Variants in HIVEP3 observed in about 807,000 individuals in gnomAD.
HIVEP3 encodes transcription factor HIVEP3.
A neutral mutation model predicts 152.8 loss-of-function variants in HIVEP3; 49 were observed. That is an observed-to-expected ratio of 0.32 (90% CI 0.26 to 0.41). HIVEP3 has a LOEUF of 0.41. HIVEP3 is among the 10% of genes least tolerant of loss of function. HIVEP3 has a pLI of 1.00. For synonymous variants in HIVEP3, 1,269 were observed against 1,289.0 expected (o/e 0.98, Z 0.33); for missense variants, 2,790 against 3,103.3 (o/e 0.90, Z 2.40).
chr1:41,581,275 G>A lies in HIVEP3; in HGVS notation c.3523C>T (p.Pro1175Ser). 6.2e-7 allele frequency: 1 copy of A among 1,607,454 alleles called. No homozygotes were observed. Among genetic ancestry groups the A allele is most frequent in the Non-Finnish European group, 8.5e-7 (1 of 1,177,086 alleles). Residue 1175 changes from proline (P) to serine (S), a missense_variant, in exon 4 of 9, where the codon CCA becomes TCA. Physicochemically the swap from Pro to Ser is moderately conservative, Grantham distance 74 (BLOSUM62 -1). Coordinates refer to ENST00000372583, the MANE Select transcript of HIVEP3 (RefSeq NM_024503.5). This position sits in a 1 kb window ranked among gnomAD's most constrained non-coding sequence, Gnocchi z 4.5. The part of the protein sequence containing the change: ...TQAMSSLLSS[P>S]YSMPPLPPSL... ...GGAGGAAGTGGGGGCATGGAGTATG[G>A]TGAGGACAGGAGGCTGGACATGGCC...
chr1:42,017,987 C>T (rs904504380), intron 1 of HIVEP3, among the ~76,000 whole-genome samples: 2 of 152,038 alleles, frequency 1.3e-5, no homozygotes, highest in Non-Finnish European at 2.9e-5. Context: ...TGTAGACATA[C>T]CTTTTTGTAG....
chr1:41,535,773 G>A (rs638859), intron 5 of HIVEP3: 52,049 of 151,970 alleles, frequency 0.34, 9,378 homozygotes, highest in Non-Finnish European at 0.4. Flanking sequence ...ACAGAAGGAA[G>A]CAGAAACAGA....
intron 5 of HIVEP3, chr1:41,543,724 T>C (rs1438055468): frequency 6.6e-6 from 1 of 152,416 alleles, no homozygotes; most frequent in Non-Finnish European, 1.5e-5. Context: ...ACAACCCAGA[T>C]GCTGGAAACG....
At chr1:41,736,649 A>C (rs556911028) in intron 1 of HIVEP3, among the ~76,000 whole-genome samples, 1 of 152,338 alleles carries the variant, frequency 6.6e-6, no homozygotes, top group East Asian at 1.9e-4. Context: ...CAGGCCAAGG[A>C]ACCAGGGCGT....
At chr1:41,529,991 C>T (rs1643195820) in intron 5 of HIVEP3, among the ~76,000 whole-genome samples, 2 of 147,002 alleles carry the variant, frequency 1.4e-5, no homozygotes, top group African/African-American at 5.2e-5. Context: ...CATGCACACA[C>T]ACCACACACT....
chr1:41,951,419 CTG>C (rs1461662095), intron 1 of HIVEP3, among the ~76,000 whole-genome samples: 1 of 152,056 alleles, frequency 6.6e-6, no homozygotes, highest in Admixed American at 6.5e-5. Flanking sequence ...CAGACAATGA[CTG>C]AGAGAGGGCA....
rs775060095 is a variant in HIVEP3, at chr1:41,583,576, T to C, written c.1222A>G (p.Asn408Asp). 1 of 1,614,026 alleles carries C rather than the reference T, an allele frequency of 6.2e-7. No individual in the cohort carries two copies. Among genetic ancestry groups the C allele is most frequent in the Non-Finnish European group, 8.5e-7 (1 of 1,179,984 alleles). Residue 408 changes from asparagine (N) to aspartate (D), a missense_variant, in exon 4 of 9, where the codon AAC (asparagine) becomes GAC (aspartate). Asn to Asp is a conservative substitution (Grantham distance 23). Coordinates refer to ENST00000372583, the MANE Select transcript of HIVEP3 (RefSeq NM_024503.5). The surrounding 1 kb of genome is among the most constrained non-coding windows in gnomAD (Gnocchi z 6.9). The stretch of plus-strand genomic sequence containing the variant: ...TCAGCGTAGGACTTGGCGTTGGTGT[T>C]TGGGGGGCTGACCTGCTGCTCTGCA... ...ESAEQQVSPP[N>D]TNAKSYAEII...
intron 5 of HIVEP3, among the ~76,000 whole-genome samples, chr1:41,562,601 T>TTCTCTCTCTC (rs72509109): frequency 2.1e-4 from 27 of 126,254 alleles, no homozygotes; most frequent in African/African-American, 6.8e-4. Flanking sequence ...CTTCCTTTCT[T>TTCTCTCTCTC]TCTCTCTCTC....
chr1:41,529,527 TACCCTCACACACCC>T (rs1643169576), intron 5 of HIVEP3, among the ~76,000 whole-genome samples: 1 of 52,518 alleles, frequency 1.9e-5, no homozygotes, highest in Non-Finnish European at 3.6e-5. Context: ...CTGACACCCC[TACCCTCACACACCC>T]GACTCTCCTC....
intron 1 of HIVEP3, among the ~76,000 whole-genome samples, chr1:41,879,058 T>TA (rs59407887): frequency 0.41 from 62,155 of 151,848 alleles, 13,821 homozygotes; most frequent in Admixed American, 0.49. Flanking sequence ...TGCAGGCACC[T>TA]AAGCACTTCT....
chr1:41,769,386 G>T (rs1426973949), intron 1 of HIVEP3, among the ~76,000 whole-genome samples: 1 of 152,184 alleles, frequency 6.6e-6, no homozygotes, highest in African/African-American at 2.4e-5. Flanking sequence ...CCCACTAAAT[G>T]TGTCCAGAAG....
intron 1 of HIVEP3, among the ~76,000 whole-genome samples, chr1:41,951,895 G>T (rs1645111020): frequency 6.6e-6 from 1 of 152,134 alleles, no homozygotes; most frequent in African/African-American, 2.4e-5. Context: ...GATGAGATTT[G>T]GGTGGGGACA....
intron 1 of HIVEP3, chr1:41,864,473 C>G (rs1251769965): frequency 6.6e-6 from 1 of 152,344 alleles, no homozygotes; most frequent in Non-Finnish European, 1.5e-5. Flanking sequence ...TAGAGATGCT[C>G]CTACTTACTC....
chr1:41,836,185 G>A (rs1369511602), intron 1 of HIVEP3, among the ~76,000 whole-genome samples: 2 of 152,212 alleles, frequency 1.3e-5, no homozygotes, highest in Non-Finnish European at 2.9e-5. Context: ...AGACGTCAAG[G>A]ACTCCAGCTG....
At chr1:41,912,923 T>G (rs895442578) in intron 1 of HIVEP3, among the ~76,000 whole-genome samples, 2 of 152,328 alleles carry the variant, frequency 1.3e-5, no homozygotes, top group South Asian at 4.1e-4. Context: ...GATTCAACAC[T>G]TTTTCAGTTA....
intron 1 of HIVEP3, among the ~76,000 whole-genome samples, chr1:41,804,393 G>T (rs1011115831): frequency 2.6e-5 from 4 of 152,184 alleles, no homozygotes; most frequent in African/African-American, 9.7e-5. Flanking sequence ...GCAGGCACAC[G>T]GGCTTGTTTA....
intron 2 of HIVEP3, among the ~76,000 whole-genome samples, chr1:41,672,591 T>G (rs1232753112): frequency 1.3e-5 from 2 of 152,210 alleles, no homozygotes; most frequent in East Asian, 3.9e-4. Flanking sequence ...ATTTATCCCT[T>G]TTTACAGGTG....
At chr1:41,957,126 AT>A (rs1366048907) in intron 1 of HIVEP3, among the ~76,000 whole-genome samples, 7 of 152,190 alleles carry the variant, frequency 4.6e-5, no homozygotes, top group African/African-American at 1.7e-4. Context: ...AGTAATTTAT[AT>A]TTTTACTATA....
intron 1 of HIVEP3, among the ~76,000 whole-genome samples, chr1:41,898,466 C>T (rs1346662563): frequency 6.6e-6 from 1 of 152,226 alleles, no homozygotes; most frequent in East Asian, 1.9e-4. Context: ...AGGCTCATAA[C>T]TTCTATCCAC....
Sources: gnomAD v4.1 joint callset for allele counts (sites outside exome capture counted in the v4.1 genomes callset) on GRCh38, gnomAD v4.1.1 for gene constraint, Gnocchi (gnomAD v3.1) non-coding constraint, MANE v1.5 for transcripts, NCBI Gene and HGNC (gene_info 2026-07-23, HGNC 2026-07-21) for gene names.